Variants in MYO16 observed in about 807,000 individuals in gnomAD.
The protein encoded by MYO16 is myosin XVI.
In MYO16, 94 loss-of-function variants were observed where a neutral mutation model predicts 205.3. That is an observed-to-expected ratio of 0.46 (90% CI 0.39 to 0.54). The LOEUF (loss-of-function observed/expected upper bound fraction) is 0.54, where lower values mean the gene tolerates loss of function less well. MYO16 is among the 20% of genes least tolerant of loss of function. MYO16 has a pLI of 0.00. For missense variants in MYO16, 2,315 were observed against 2,387.5 expected, an observed-to-expected ratio of 0.97 and a Z score of 0.63; for synonymous variants, 988 against 954.0, an observed-to-expected ratio of 1.04 and a Z score of -0.66.
the MYO16 span, among the ~76,000 whole-genome samples, chr13:108,525,892 CTTGTT>C: frequency 6.7e-6 from 1 of 150,192 alleles, no homozygotes; most frequent in African/African-American, 2.4e-5. Context: ...CCTTTTTTTT[CTTGTT>C]TTAAGTGTGG....
chr13:109,115,752 A>G (rs1256805016), intron 28 of MYO16, among the ~76,000 whole-genome samples: 1 of 152,232 alleles, frequency 6.6e-6, no homozygotes, highest in East Asian at 1.9e-4. Flanking sequence ...TAAATCCATG[A>G]AAATTCAGAA....
In MYO16 at chr13:108,956,652, T is replaced by A. The variant is rs144149330; in HGVS notation, c.1926-1036T>A. Among the ~76,000 whole-genome samples the A allele has an allele frequency of 1.3e-4, 20 of 152,310 alleles. 1 individual carries two copies. In the East Asian group the frequency reaches 3.5e-3, roughly 27 times the overall value. On this transcript the variant is annotated intron_variant, in intron 16 of 34. Coordinates refer to ENST00000457511, the MANE Select transcript of MYO16 (RefSeq NM_001198950.3). ...CGTATGCATCATGCTTGACCAATTC[T>A]TTCTGCTTTGTACATATTCTAATTA... is the stretch of plus-strand genomic sequence containing the variant.
rs141192052 is a variant in MYO16 at position 108,840,404 on chromosome 13, C to T, written c.1098-3939C>T. On this transcript the variant is annotated intron_variant, in intron 9 of 34. Transcript: ENST00000457511. Reference sequence around the variant, plus strand: ...AGAGATGGGCTGCAAAGTGGTGAGACTGTGGTGGTTACTGAAAGCAACCCT... The same window carrying T: ...AGAGATGGGCTGCAAAGTGGTGAGATTGTGGTGGTTACTGAAAGCAACCCT... 4.4e-3 allele frequency among the ~76,000 whole-genome samples: 664 copies of T among 152,236 alleles called. 2 individuals are homozygous for T. The highest frequency in any genetic ancestry group is 0.017 in the Admixed American group (258 of 15,294).
At chr13:108,767,955 G>A (rs2139669918) in intron 4 of MYO16, among the ~76,000 whole-genome samples, 1 of 152,210 alleles carries the variant, frequency 6.6e-6, no homozygotes, top group East Asian at 1.9e-4. Flanking sequence ...GCCAAGTAAT[G>A]GGCTGGGTAT....
At chr13:108,850,862 T>C (rs1877826876) in intron 10 of MYO16, among the ~76,000 whole-genome samples, 1 of 152,214 alleles carries the variant, frequency 6.6e-6, no homozygotes, top group South Asian at 2.1e-4. Context: ...ACATTTTTAG[T>C]GTCAGCCTAG....
At chr13:108,643,793 G>A (rs1015852416) in intron 1 of MYO16, among the ~76,000 whole-genome samples, 22 of 152,106 alleles carry the variant, frequency 1.4e-4, no homozygotes, top group African/African-American at 2.9e-4. Context: ...TTGCATGGGC[G>A]CGTGGTTTTA....
At chr13:108,781,056 C>G (rs2138909645) in intron 4 of MYO16, among the ~76,000 whole-genome samples, 1 of 152,244 alleles carries the variant, frequency 6.6e-6, no homozygotes, top group Admixed American at 6.5e-5. Flanking sequence ...TGCCAAGTTC[C>G]TTTTCTATTT....
rs150440488 is a variant in MYO16, at chr13:108,866,220, A to C, written c.1403A>C (p.Glu468Ala). 6.2e-5 allele frequency: 99 copies of C among 1,602,432 alleles called. No homozygotes were observed. In the African/African-American group the frequency reaches 1.2e-3, roughly 19 times the overall value. ...CTTTTGCTTGTTAACCCATACAAGG[A>C]GCTTCCAATTTATTCTTCCATGGTG... ...DILLLVNPYK[E>A]LPIYSSMVSQ... Residue 468 changes from glutamate to alanine, a missense_variant, in exon 12 of 35, where the codon GAG (glutamate) becomes GCG (alanine). By Grantham distance (107) the Glu-to-Ala change is moderately radical. Coordinates refer to ENST00000457511, the MANE Select transcript of MYO16 (RefSeq NM_001198950.3).
At position 108,666,016 on chromosome 13, in the gene MYO16, C is replaced by T. The variant is rs202106004; in HGVS notation, c.159C>T (p.Tyr53=). 110 of 1,614,014 alleles carry T rather than the reference C, an allele frequency of 6.8e-5. No individual in the cohort carries two copies. Among genetic ancestry groups the T allele is most frequent in the South Asian group, 2.4e-4 (22 of 91,088 alleles). The change falls in exon 2 of 35, where the codon TAC becomes TAT. Residue 53 remains tyrosine, a synonymous_variant. Coordinates refer to ENST00000457511, the MANE Select transcript of MYO16 (RefSeq NM_001198950.3). ...KRMRCEQIKA[Y]YEREKAFQKQ... ...TGCGCTGTGAGCAAATCAAAGCCTA[C>T]TATGAGCGCGAGAAGGCTTTTCAGA... is the stretch of plus-strand genomic sequence containing the variant.
chr13:109,094,579 GGTTTGTTAC>G (rs1401614956), intron 27 of MYO16, among the ~76,000 whole-genome samples: 1 of 152,154 alleles, frequency 6.6e-6, no homozygotes, highest in Non-Finnish European at 1.5e-5. Context: ...AAAACGTACA[GGTTTGTTAC>G]GTAGGTATAC....
At chr13:108,742,573 G>A (rs1884943338) in intron 4 of MYO16, among the ~76,000 whole-genome samples, 1 of 151,848 alleles carries the variant, frequency 6.6e-6, no homozygotes, top group Non-Finnish European at 1.5e-5. Flanking sequence ...AAGCACCAAT[G>A]CTCTATAACT....
intron 31 of MYO16, among the ~76,000 whole-genome samples, chr13:109,133,057 G>A (rs1352548802): frequency 6.6e-6 from 1 of 152,192 alleles, no homozygotes; most frequent in African/African-American, 2.4e-5. Flanking sequence ...GGAAGGCAAT[G>A]GTATTGCCTG....
chr13:108,599,161 G>C (rs1878670506), intron 1 of MYO16, among the ~76,000 whole-genome samples: 1 of 151,136 alleles, frequency 6.6e-6, no homozygotes, highest in African/African-American at 2.4e-5. Context: ...TCCCTACAAA[G>C]GATATGAACT....
upstream of MYO16, among the ~76,000 whole-genome samples, chr13:108,628,256 G>C (rs943800490): frequency 1.3e-5 from 2 of 152,124 alleles, no homozygotes; most frequent in Non-Finnish European, 2.9e-5. Flanking sequence ...TGGAATCAAC[G>C]AATAAATGAG....
chr13:108,545,334 T>A, the MYO16 span, among the ~76,000 whole-genome samples: 1 of 152,214 alleles, frequency 6.6e-6, no homozygotes, highest in Non-Finnish European at 1.5e-5. Context: ...TAGGACATAA[T>A]CTTGCTTTTT....
chr13:108,750,932 G>A (rs1272573446), intron 4 of MYO16, among the ~76,000 whole-genome samples: 12 of 152,172 alleles, frequency 7.9e-5, no homozygotes, highest in Non-Finnish European at 1.6e-4. Context: ...AAGGGGAGGA[G>A]GCTAGAGTGA....
intron 16 of MYO16, among the ~76,000 whole-genome samples, chr13:108,916,550 G>A (rs1206519956): frequency 6.6e-6 from 1 of 152,106 alleles, no homozygotes; most frequent in African/African-American, 2.4e-5. Flanking sequence ...GACGTTCTAG[G>A]GATTGCCACC....
chr13:109,205,833 C>T (rs182579447), intron 34 of MYO16, among the ~76,000 whole-genome samples: 2 of 152,168 alleles, frequency 1.3e-5, no homozygotes, highest in Admixed American at 1.3e-4. Context: ...CCTGCAAAGG[C>T]CCATAATGTT....
intron 31 of MYO16, among the ~76,000 whole-genome samples, chr13:109,134,468 T>C (rs1256149285): frequency 6.6e-6 from 1 of 152,214 alleles, no homozygotes; most frequent in African/African-American, 2.4e-5. Flanking sequence ...CAGAGATCAC[T>C]GGAGCAGTTG....
Sources: gnomAD v4.1 joint callset for allele counts (sites outside exome capture counted in the v4.1 genomes callset) on GRCh38, gnomAD v4.1.1 for gene constraint, MANE v1.5 for transcripts, NCBI Gene and HGNC (gene_info 2026-07-23, HGNC 2026-07-21) for gene names.